Variants in KYAT3 observed in about 807,000 individuals in gnomAD.
The protein encoded by KYAT3 is kynurenine--oxoglutarate transaminase 3.
KYAT3 carries 50 observed loss-of-function variants against 59.0 expected under a neutral mutation model. That is an observed-to-expected ratio of 0.85 (90% CI 0.68 to 1.07). The LOEUF (loss-of-function observed/expected upper bound fraction) is 1.07, where lower values mean the gene tolerates loss of function less well. Ranked by LOEUF, KYAT3 falls within the 50% of genes least tolerant of loss-of-function variation. The probability of loss-of-function intolerance (pLI) is 0.00; values close to 1 mark genes in which losing one functional copy is unlikely to be tolerated. For synonymous variants in KYAT3, 148 were observed against 177.0 expected (o/e 0.84, Z 1.30); for missense variants, 497 against 533.3 (o/e 0.93, Z 0.67).
chr1:88,939,650 T>A (rs992567162), intron 13 of KYAT3, among the ~76,000 whole-genome samples: 2 of 152,232 alleles, frequency 1.3e-5, no homozygotes, highest in African/African-American at 4.8e-5. Context: ...TTCCTCTGCA[T>A]CAATAATTTT....
At chr1:88,991,907 T>C (rs1677819084) in intron 1 of KYAT3, among the ~76,000 whole-genome samples, 1 of 152,164 alleles carries the variant, frequency 6.6e-6, no homozygotes, top group Admixed American at 6.5e-5. Context: ...CAGACTGCCT[T>C]TCTGTTTTAA....
chr1:88,921,784 T>C, the KYAT3 span, among the ~76,000 whole-genome samples: 2 of 152,192 alleles, frequency 1.3e-5, no homozygotes, highest in African/African-American at 4.8e-5. Context: ...GCCAACATTG[T>C]AGTTCAAGTC....
At chr1:88,944,691 T>C (rs1015548911) in intron 11 of KYAT3, among the ~76,000 whole-genome samples, 2 of 152,180 alleles carry the variant, frequency 1.3e-5, no homozygotes, top group African/African-American at 2.4e-5. Context: ...AAAAATTCCA[T>C]GTGACAGGTA....
At chr1:88,921,647 A>G in the KYAT3 span, among the ~76,000 whole-genome samples, 5 of 152,198 alleles carry the variant, frequency 3.3e-5, no homozygotes, top group African/African-American at 1.2e-4. Flanking sequence ...TCTCCAGAGA[A>G]ATAGAACCAC....
At chr1:88,929,892 G>A in the KYAT3 span, among the ~76,000 whole-genome samples, 13 of 152,302 alleles carry the variant, frequency 8.5e-5, 1 homozygote, top group Middle Eastern at 6.8e-3. Context: ...GAAATAGCCA[G>A]GCCTTTATAT....
At chr1:88,944,036 T>G (rs149979660) in intron 11 of KYAT3, among the ~76,000 whole-genome samples, 5,799 of 151,986 alleles carry the variant, frequency 0.038, 317 homozygotes, top group African/African-American at 0.12. Context: ...ATATTATACC[T>G]TTTTTTAAAT....
intron 2 of KYAT3, chr1:88,983,958 G>GCACTA: frequency 1.0e-6 from 1 of 958,788 alleles, no homozygotes; most frequent in East Asian, 2.4e-5. Flanking sequence ...GAAGCCGCTA[G>GCACTA]CACTACTGCG....
the KYAT3 span, among the ~76,000 whole-genome samples, chr1:88,929,231 A>G: frequency 6.6e-6 from 1 of 152,154 alleles, no homozygotes; most frequent in Non-Finnish European, 1.5e-5. Context: ...AGCCCCTGCA[A>G]TGCTCCAATT....
At chr1:88,961,093 G>T in intron 8 of KYAT3, 74 bp downstream of exon 8, 1 of 1,518,754 alleles carries the variant, frequency 6.6e-7, no homozygotes. Flanking sequence ...AGTTGGTCTG[G>T]GATGCTTTCC....
At chr1:88,927,903 T>G in the KYAT3 span, among the ~76,000 whole-genome samples, 5 of 152,192 alleles carry the variant, frequency 3.3e-5, no homozygotes, top group East Asian at 9.7e-4. Context: ...GCCCGAGAGT[T>G]TGGTGATCTC....
At chr1:88,940,429 C>T (rs1196339761) in intron 13 of KYAT3, among the ~76,000 whole-genome samples, 1 of 152,208 alleles carries the variant, frequency 6.6e-6, no homozygotes, top group Non-Finnish European at 1.5e-5. Context: ...ACTGCCAAAG[C>T]ATGCACTATA....
At chr1:88,945,581 A>G (rs1487125018) in intron 11 of KYAT3, among the ~76,000 whole-genome samples, 1 of 152,226 alleles carries the variant, frequency 6.6e-6, no homozygotes, top group Non-Finnish European at 1.5e-5. Context: ...TTGTGAGAAT[A>G]TATTTGCAAA....
Position 88,955,134 on chromosome 1 carries a change from T to C in KYAT3, c.864+15A>G, listed in dbSNP as rs752295897. The C allele has an allele frequency of 1.9e-6, 3 of 1,541,568 alleles. No homozygotes were observed. In the African/African-American group the frequency reaches 4.1e-5, roughly 21 times the overall value. The stretch of plus-strand genomic sequence containing the variant: ...CAGGCCTATTTTTAAGCAATTAAAT[T>C]CTTACTCATCTTACCTTCCAGCCAG... On this transcript the variant is annotated intron_variant, in intron 9 of 13. Transcript: ENST00000260508.
At chr1:88,958,318 G>A (rs1467899456) in intron 8 of KYAT3, among the ~76,000 whole-genome samples, 1 of 151,188 alleles carries the variant, frequency 6.6e-6, no homozygotes, top group Non-Finnish European at 1.5e-5. Flanking sequence ...ACCTTCAAAT[G>A]CTATACTCTA....
At chr1:88,959,007 A>G (rs1419118654) in intron 8 of KYAT3, among the ~76,000 whole-genome samples, 3 of 152,164 alleles carry the variant, frequency 2.0e-5, no homozygotes, top group Non-Finnish European at 2.9e-5. Context: ...GCGAGGTTCT[A>G]TGGCTTATGC....
At chr1:88,925,238 C>T in the KYAT3 span, among the ~76,000 whole-genome samples, 2 of 152,206 alleles carry the variant, frequency 1.3e-5, no homozygotes, top group African/African-American at 4.8e-5. Flanking sequence ...GAACTCCTGA[C>T]ATTAGCCGGT....
In KYAT3 at chr1:88,984,204, C is replaced by CTTTTTTTTT. The variant is rs908183722; in HGVS notation, c.99+4039_99+4047dup. On this transcript the variant is annotated intron_variant, in intron 2 of 13. Coordinates refer to ENST00000260508, the MANE Select transcript of KYAT3 (RefSeq NM_001008661.3). ...ATTAACAGGAGCCCTTTTTTTGTTG[C>CTTTTTTTTT]TTTTTTTTTTTTTTTTTTTTTTTTT... The CTTTTTTTTT allele has an allele frequency of 1.2e-3, 96 of 81,760 alleles. 11 individuals are homozygous for CTTTTTTTTT. The highest frequency in any genetic ancestry group is 1.7e-3 in the Non-Finnish European group (67 of 38,344). The allele number at this position is 81,760 out of a possible 1,614,324, so 5.1% of individuals were successfully genotyped here. A position where few individuals can be genotyped will look rare whatever the true frequency, so the allele number is the denominator to read the frequency against.
intron 5 of KYAT3, among the ~76,000 whole-genome samples, chr1:88,964,126 C>T (rs1676250705): frequency 1.3e-5 from 2 of 152,178 alleles, no homozygotes; most frequent in Non-Finnish European, 2.9e-5. Context: ...TCACTTGAAC[C>T]CGTGAGGTGG....
intron 11 of KYAT3, among the ~76,000 whole-genome samples, chr1:88,945,900 A>C (rs1376915370): frequency 2.0e-5 from 3 of 152,220 alleles, no homozygotes; most frequent in Non-Finnish European, 4.4e-5. Flanking sequence ...AGACCATAAA[A>C]AAAATCTTGT....
Sources: gnomAD v4.1 joint callset for allele counts (sites outside exome capture counted in the v4.1 genomes callset) on GRCh38, gnomAD v4.1.1 for gene constraint, MANE v1.5 for transcripts, NCBI Gene and HGNC (gene_info 2026-07-23, HGNC 2026-07-21) for gene names.